The following PLXNA4 variants were observed in gnomAD, a reference collection of about 807,000 sequenced individuals.
PLXNA4 encodes the protein plexin-A4.
A neutral mutation model predicts 191.8 loss-of-function variants in PLXNA4; 44 were observed. The ratio of observed to expected loss-of-function variants is 0.23; its 90% CI spans 0.18 to 0.29. The LOEUF is 0.29. Ranked by LOEUF, PLXNA4 falls within the 10% of genes least tolerant of loss-of-function variation. The pLI, the probability that PLXNA4 is intolerant of heterozygous loss-of-function variation, is 1.00. For missense variants in PLXNA4, 1,800 were observed against 2,488.8 expected (o/e 0.72, Z 5.89); for synonymous variants, 1,082 against 1,009.5 (o/e 1.07, Z -1.36).
In PLXNA4 at chr7:132,385,097, C is replaced by G. The variant is rs1393650959; in HGVS notation, c.1372-86875G>C. 3 of 1,558,992 alleles carry G rather than the reference C, an allele frequency of 1.9e-6. No individual in the cohort carries two copies. The East Asian group carries it at 7.0e-5, about 36-fold the overall frequency. On this transcript the variant is annotated intron_variant, in intron 3 of 31. Coordinates refer to ENST00000321063, the MANE Select transcript of PLXNA4 (RefSeq NM_020911.2). ...GAGCTATGATGTATGGCTGGGGTCA[C>G]AGGGAGGTAGATGTGTCTCATCTGT...
intron 3 of PLXNA4, among the ~76,000 whole-genome samples, chr7:132,480,166 T>G (rs1230615640): frequency 6.6e-6 from 1 of 152,132 alleles, no homozygotes; most frequent in African/African-American, 2.4e-5. Flanking sequence ...TGAGCACACC[T>G]TCACTAAGTT....
chr7:132,178,748 T>TACACACAC (rs55690930), intron 20 of PLXNA4, among the ~76,000 whole-genome samples: 4 of 103,236 alleles, frequency 3.9e-5, no homozygotes, highest in African/African-American at 1.8e-4. Context: ...ATGAAACACA[T>TACACACAC]ACACACACAC....
At chr7:132,391,571 G>A (rs1382180036) in intron 3 of PLXNA4, among the ~76,000 whole-genome samples, 1 of 152,194 alleles carries the variant, frequency 6.6e-6, no homozygotes, top group Non-Finnish European at 1.5e-5. Context: ...ATCGTGTAGG[G>A]CAGATGACTT....
At chr7:132,450,980 A>G (rs1345230857) in intron 3 of PLXNA4, among the ~76,000 whole-genome samples, 1 of 152,204 alleles carries the variant, frequency 6.6e-6, no homozygotes, top group Non-Finnish European at 1.5e-5. Context: ...AAGTCAGAGA[A>G]TAATTCCAGG....
chr7:132,515,670 A>C (rs186839958), intron 1 of PLXNA4, among the ~76,000 whole-genome samples: 31 of 152,314 alleles, frequency 2.0e-4, no homozygotes, highest in African/African-American at 7.5e-4. Flanking sequence ...ATCAAACACA[A>C]CACTTCCCTA....
intron 12 of PLXNA4, among the ~76,000 whole-genome samples, chr7:132,201,603 G>T (rs1010409211): frequency 6.6e-6 from 1 of 152,196 alleles, no homozygotes; most frequent in Non-Finnish European, 1.5e-5. Context: ...TGGTAAAGAG[G>T]TATTGAGCAC....
intron 4 of PLXNA4, among the ~76,000 whole-genome samples, chr7:132,293,574 T>C (rs1330451075): frequency 6.6e-6 from 1 of 152,210 alleles, no homozygotes; most frequent in African/African-American, 2.4e-5. Flanking sequence ...GTCATTGTAT[T>C]GAACACAACA....
chr7:132,320,033 T>C (rs569119490), intron 3 of PLXNA4, among the ~76,000 whole-genome samples: 2 of 152,300 alleles, frequency 1.3e-5, no homozygotes, highest in South Asian at 4.1e-4. Context: ...CCTACAGACA[T>C]GTGCAGAGGA....
chr7:132,289,310 A>C (rs1181849286), intron 4 of PLXNA4, among the ~76,000 whole-genome samples: 3 of 151,846 alleles, frequency 2.0e-5, no homozygotes, highest in Non-Finnish European at 4.4e-5. Context: ...AAGGATCCTG[A>C]CTCCACTTAA....
chr7:132,322,242 G>T (rs1802201053), intron 3 of PLXNA4, among the ~76,000 whole-genome samples: 1 of 147,202 alleles, frequency 6.8e-6, no homozygotes, highest in South Asian at 2.1e-4. Context: ...GAGTGCAATG[G>T]TGCAAACTCG....
At chr7:132,630,631 C>T (rs1803475370) in intron 2 of PLXNA4, among the ~76,000 whole-genome samples, 1 of 152,180 alleles carries the variant, frequency 6.6e-6, no homozygotes, top group African/African-American at 2.4e-5. Flanking sequence ...CCTGCCTCAG[C>T]CTCCCAAGTA....
intron 10 of PLXNA4, among the ~76,000 whole-genome samples, chr7:132,204,183 C>T (rs1221179552): frequency 6.6e-6 from 1 of 152,184 alleles, no homozygotes; most frequent in Non-Finnish European, 1.5e-5. Flanking sequence ...TCCTGCTCCC[C>T]TACCTGGCTG....
At chr7:132,268,217 C>T (rs796756824) in intron 4 of PLXNA4, among the ~76,000 whole-genome samples, 1 of 152,140 alleles carries the variant, frequency 6.6e-6, no homozygotes, top group South Asian at 2.1e-4. Flanking sequence ...AGCTCCCTAA[C>T]CTGTCATGAC....
chr7:132,598,711 A>C (rs751076954), intron 2 of PLXNA4, among the ~76,000 whole-genome samples: 2 of 152,214 alleles, frequency 1.3e-5, no homozygotes, highest in Non-Finnish European at 2.9e-5. Context: ...ACAGTAAACT[A>C]TCTTCTCCCA....
At chr7:132,458,748 A>T (rs904462373) in intron 3 of PLXNA4, among the ~76,000 whole-genome samples, 11 of 151,956 alleles carry the variant, frequency 7.2e-5, no homozygotes, top group African/African-American at 2.7e-4. Context: ...TAGCACGTGA[A>T]AACTCACCAA....
chr7:132,156,178 A>ACG (rs1795791525), intron 25 of PLXNA4, among the ~76,000 whole-genome samples: 1 of 151,028 alleles, frequency 6.6e-6, no homozygotes, highest in Non-Finnish European at 1.5e-5. Flanking sequence ...ACACACACAC[A>ACG]CACAGACGCA....
intron 3 of PLXNA4, among the ~76,000 whole-genome samples, chr7:132,399,151 C>T (rs551622400): frequency 8.5e-5 from 13 of 152,282 alleles, no homozygotes; most frequent in African/African-American, 2.6e-4. Context: ...CCACGGGCTT[C>T]AAGTTTGCCT....
intron 4 of PLXNA4, among the ~76,000 whole-genome samples, chr7:132,262,891 C>T (rs1799703173): frequency 6.6e-6 from 1 of 152,146 alleles, no homozygotes; most frequent in African/African-American, 2.4e-5. Context: ...CAAGTTCACA[C>T]AACTCTGCGT....
intron 4 of PLXNA4, among the ~76,000 whole-genome samples, chr7:132,280,298 G>A (rs761206228): frequency 3.9e-5 from 6 of 151,990 alleles, no homozygotes; most frequent in Non-Finnish European, 8.8e-5. Context: ...TAAGGAAGAA[G>A]GTGGGAGAAA....
Sources: gnomAD v4.1 joint callset for allele counts (sites outside exome capture counted in the v4.1 genomes callset) on GRCh38, gnomAD v4.1.1 for gene constraint, MANE v1.5 for transcripts, NCBI Gene and HGNC (gene_info 2026-07-23, HGNC 2026-07-21) for gene names.